UNC79: variants seen among roughly 807,000 people sequenced by gnomAD.
The protein encoded by UNC79 is protein unc-79 homolog.
Under a neutral mutation model 283.1 loss-of-function variants are expected in UNC79, and 37 were observed. The observed-to-expected ratio is 0.13, with a 90% CI of 0.10 to 0.17. The LOEUF (loss-of-function observed/expected upper bound fraction) is 0.17. Among genes scored for constraint, UNC79 ranks in the 10% least tolerant of loss-of-function variants. The probability of loss-of-function intolerance (pLI) is 1.00; values close to 1 mark genes in which losing one functional copy is unlikely to be tolerated. For missense variants in UNC79, 2,272 were observed against 3,211.1 expected, an observed-to-expected ratio of 0.71 and a Z score of 7.07; for synonymous variants, 1,107 against 1,200.2, an observed-to-expected ratio of 0.92 and a Z score of 1.61.
chr14:93,351,961 C>A (rs1414269648), intron 1 of UNC79, among the ~76,000 whole-genome samples: 1 of 152,202 alleles, frequency 6.6e-6, no homozygotes. Flanking sequence ...TTACAGTCTT[C>A]ACAGAAACAC....
intron 35 of UNC79, among the ~76,000 whole-genome samples, chr14:93,653,120 C>T (rs1325815430): frequency 3.3e-5 from 5 of 152,192 alleles, no homozygotes; most frequent in Admixed American, 2.6e-4. Flanking sequence ...CCCCTAACTA[C>T]ATCAAGAAGC....
intron 11 of UNC79, 54 bp downstream of exon 11, chr14:93,532,632 A>C: frequency 6.2e-7 from 1 of 1,600,264 alleles, no homozygotes; most frequent in Non-Finnish European, 8.5e-7. Context: ...TTTGTATGTA[A>C]ATTCATTTAT....
At chr14:93,404,822 C>T (rs1317812567) in intron 1 of UNC79, among the ~76,000 whole-genome samples, 1 of 151,422 alleles carries the variant, frequency 6.6e-6, no homozygotes, top group Non-Finnish European at 1.5e-5. Flanking sequence ...AAGCTTAAAA[C>T]CACATAGGCT....
chr14:93,460,028 TTAAA>T (rs2056907410), intron 1 of UNC79, among the ~76,000 whole-genome samples: 1 of 104,282 alleles, frequency 9.6e-6, no homozygotes, highest in Non-Finnish European at 2.0e-5. Flanking sequence ...ACCATTACCA[TTAAA>T]AGTTGAATAA....
At chr14:93,573,218 T>C (rs2146503) in intron 16 of UNC79, among the ~76,000 whole-genome samples, 152,044 of 152,316 alleles carry the variant, frequency 1, 75,889 homozygotes, top group Middle Eastern at 1. Flanking sequence ...ATGACTTCCT[T>C]TCCTGTCTCT....
At chr14:93,352,283 A>G (rs1192047192) in intron 1 of UNC79, among the ~76,000 whole-genome samples, 1 of 152,130 alleles carries the variant, frequency 6.6e-6, no homozygotes, top group Non-Finnish European at 1.5e-5. Flanking sequence ...TTTTGAACTT[A>G]CTTTTTCCTT....
chr14:93,485,953 T>G (rs2058401736), intron 4 of UNC79, among the ~76,000 whole-genome samples: 5 of 152,246 alleles, frequency 3.3e-5, no homozygotes, highest in Non-Finnish European at 7.3e-5. Context: ...CTCCTCTGAT[T>G]TATTGTATGA....
At chr14:93,673,836 A>T (rs1856691971) in intron 41 of UNC79, among the ~76,000 whole-genome samples, 1 of 152,124 alleles carries the variant, frequency 6.6e-6, no homozygotes, top group African/African-American at 2.4e-5. Context: ...GCAGAGTCAA[A>T]TGAGTATGGG....
In UNC79 at chr14:93,558,129, G is replaced by A. The variant is rs146883300; in HGVS notation, c.1756-13765G>A. On this transcript the variant is annotated intron_variant, in intron 14 of 48. Coordinates refer to ENST00000555664, the Ensembl canonical transcript of UNC79. ...GGCTGGCTCAAACAGCAGACTTATA[G>A]GGGTCCTACACCCACATTCTATTCT... Among the ~76,000 whole-genome samples the A allele has an allele frequency of 5.1e-3, 773 of 152,292 alleles. 3 individuals are homozygous for A. Among genetic ancestry groups the A allele is most frequent in the Non-Finnish European group, 8.7e-3 (591 of 68,026 alleles).
At chr14:93,438,220 C>G (rs1033639554) in intron 1 of UNC79, among the ~76,000 whole-genome samples, 3 of 152,106 alleles carry the variant, frequency 2.0e-5, no homozygotes, top group African/African-American at 7.2e-5. Flanking sequence ...AGCCTCTAAT[C>G]AATATATTTT....
chr14:93,426,816 T>C (rs1440294799), upstream of UNC79, among the ~76,000 whole-genome samples: 1 of 152,164 alleles, frequency 6.6e-6, no homozygotes, highest in Non-Finnish European at 1.5e-5. Context: ...AAAATCTTTG[T>C]TAATGATAAC....
At chr14:93,461,962 CA>C (rs767768906) in intron 1 of UNC79, among the ~76,000 whole-genome samples, 54 of 35,928 alleles carry the variant, frequency 1.5e-3, no homozygotes, top group Admixed American at 2.1e-3. Context: ...GGTTTTCAAG[CA>C]AAAAAAAAAA....
At chr14:93,660,051 C>T (rs1341691593) in intron 39 of UNC79, among the ~76,000 whole-genome samples, 2 of 152,216 alleles carry the variant, frequency 1.3e-5, no homozygotes, top group Non-Finnish European at 2.9e-5. Flanking sequence ...AGAAGTTCTG[C>T]ACCGTGTCTC....
chr14:93,341,844 C>T (rs1839672727), intron 1 of UNC79, among the ~76,000 whole-genome samples: 1 of 152,224 alleles, frequency 6.6e-6, no homozygotes, highest in Non-Finnish European at 1.5e-5. Flanking sequence ...CCAAAATAAT[C>T]TCTTTTGACT....
chr14:93,618,264 G>A (rs2066875790), exon 29 of UNC79: 1 of 1,613,904 alleles, frequency 6.2e-7, no homozygotes, highest in African/African-American at 1.3e-5. Flanking sequence ...TACACTCAAT[G>A]CGCAGTATCA....
At chr14:93,541,762 T>G (rs2061383665) in intron 13 of UNC79, among the ~76,000 whole-genome samples, 1 of 152,102 alleles carries the variant, frequency 6.6e-6, no homozygotes, top group African/African-American at 2.4e-5. Context: ...TCCCAGCACT[T>G]TGGGAGGCCA....
At chr14:93,396,477 AT>A (rs1336519805) in intron 1 of UNC79, among the ~76,000 whole-genome samples, 1 of 151,516 alleles carries the variant, frequency 6.6e-6, no homozygotes, top group African/African-American at 2.4e-5. Flanking sequence ...ATACTTTCTT[AT>A]TTTTTTACTG....
At chr14:93,565,443 G>A (rs2062818366) in intron 14 of UNC79, among the ~76,000 whole-genome samples, 1 of 152,112 alleles carries the variant, frequency 6.6e-6, no homozygotes, top group East Asian at 1.9e-4. Flanking sequence ...TAAATCCTCT[G>A]GTTTGGGTGA....
intron 4 of UNC79, among the ~76,000 whole-genome samples, chr14:93,481,684 C>A (rs574800613): frequency 6.6e-6 from 1 of 152,040 alleles, no homozygotes; most frequent in Non-Finnish European, 1.5e-5. Flanking sequence ...ATTTTTTGTT[C>A]TATTCCTACT....
Sources: gnomAD v4.1 joint callset for allele counts (sites outside exome capture counted in the v4.1 genomes callset) on GRCh38, gnomAD v4.1.1 for gene constraint, MANE v1.5 for transcripts, NCBI Gene and HGNC (gene_info 2026-07-23, HGNC 2026-07-21) for gene names.